MC2R: variants seen among roughly 807,000 people sequenced by gnomAD.
MC2R encodes the protein adrenocorticotropic hormone receptor.
In MC2R, 9 loss-of-function variants were observed where a neutral mutation model predicts 9.8. That is an observed-to-expected ratio of 0.92 (90% CI 0.55 to 1.60). The LOEUF (loss-of-function observed/expected upper bound fraction) is 1.60. Ranked by LOEUF, MC2R falls within the 40% of genes most tolerant of loss-of-function variation. The probability of loss-of-function intolerance (pLI) is 0.00; values close to 1 mark genes in which losing one functional copy is unlikely to be tolerated. For missense variants in MC2R, 370 were observed against 389.0 expected (o/e 0.95, Z 0.41); for synonymous variants, 185 against 154.7 (o/e 1.20, Z -1.45).
chr18:13,909,484 C>T (rs72874363), intron 1 of MC2R, among the ~76,000 whole-genome samples: 23,251 of 152,184 alleles, frequency 0.15, 2,381 homozygotes, highest in Middle Eastern at 0.29. Flanking sequence ...TTCTGCCCCA[C>T]CTCCTTGAGG....
In MC2R at chr18:13,884,672, G is replaced by C. The variant is rs1472845134; in HGVS notation, c.847C>G (p.Leu283Val). Reference protein sequence around the residue: ...PFIYAFRSPELRDAFKKMIFC... With the variant: ...PFIYAFRSPEVRDAFKKMIFC... ...ATCATCTTTTTGAATGCGTCCCTGA[G>C]CTCTGGGCTCCGGAAGGCATATATG... Residue 283 changes from leucine (L) to valine (V), a missense_variant, in exon 2 of 2, where the codon CTC (leucine) becomes GTC (valine). Leu to Val is a conservative substitution (Grantham distance 32). Coordinates refer to ENST00000327606, the MANE Select transcript of MC2R (RefSeq NM_000529.2). 5 of 1,614,010 alleles carry C rather than the reference G, an allele frequency of 3.1e-6. No individual in the cohort carries two copies. Among genetic ancestry groups the C allele is most frequent in the Non-Finnish European group, 4.2e-6 (5 of 1,180,034 alleles).
At position 13,896,004 on chromosome 18, in the gene MC2R, A is replaced by T. The variant is rs137980919; in HGVS notation, c.-128-10358T>A. On this transcript the variant is annotated intron_variant, in intron 1 of 1. Coordinates refer to ENST00000327606, the MANE Select transcript of MC2R (RefSeq NM_000529.2). Reference sequence around the variant, plus strand: ...TGGCTCTTTTTTTCTCACATATTAGATTGGTATTTGAATATTTAATTCGAA... The same window carrying T: ...TGGCTCTTTTTTTCTCACATATTAGTTTGGTATTTGAATATTTAATTCGAA... 2.6e-3 allele frequency among the ~76,000 whole-genome samples: 390 copies of T among 152,282 alleles called. 1 individual carries two copies. The highest frequency in any genetic ancestry group is 9.1e-3 in the African/African-American group (377 of 41,556).
At chr18:13,895,701 C>A (rs1685208404) in intron 1 of MC2R, among the ~76,000 whole-genome samples, 1 of 152,198 alleles carries the variant, frequency 6.6e-6, no homozygotes, top group East Asian at 1.9e-4. Context: ...GAGGTGACGT[C>A]AGACCTGGTT....
At chr18:13,898,628 G>A (rs1003559957) in intron 1 of MC2R, among the ~76,000 whole-genome samples, 2 of 152,198 alleles carry the variant, frequency 1.3e-5, no homozygotes, top group Admixed American at 6.5e-5. Flanking sequence ...GTAGTGACGA[G>A]GTGCTTGCGT....
intron 1 of MC2R, among the ~76,000 whole-genome samples, chr18:13,896,080 G>C (rs1490165671): frequency 1.3e-5 from 2 of 152,092 alleles, no homozygotes; most frequent in Non-Finnish European, 2.9e-5. Context: ...AACTCATATT[G>C]GTTACATAAG....
chr18:13,905,701 A>T (rs1186345194), intron 1 of MC2R, among the ~76,000 whole-genome samples: 1 of 152,196 alleles, frequency 6.6e-6, no homozygotes, highest in Admixed American at 6.5e-5. Context: ...TTCCTCAAGG[A>T]TCTAGAACTG....
At chr18:13,902,411 G>A (rs1214614559) in intron 1 of MC2R, among the ~76,000 whole-genome samples, 23 of 152,086 alleles carry the variant, frequency 1.5e-4, no homozygotes, top group African/African-American at 5.6e-4. Flanking sequence ...TAACAGAACT[G>A]CAGGAATCAC....
chr18:13,913,303 C>T (rs1445421154), intron 1 of MC2R, among the ~76,000 whole-genome samples: 1 of 152,202 alleles, frequency 6.6e-6, no homozygotes, highest in African/African-American at 2.4e-5. Flanking sequence ...TGGCAGGCTT[C>T]CTCCACGGTG....
rs139810872 is a variant in MC2R, at chr18:13,888,534, A to G, written c.-128-2888T>C. On this transcript the variant is annotated intron_variant, in intron 1 of 1. Coordinates refer to ENST00000327606, the MANE Select transcript of MC2R (RefSeq NM_000529.2). ...AGCCACAGTCTGGAGAGGATACAGCAGAGCCCGCCTTGTGACCACCATGTC... is the reference window on the plus strand; with the variant it reads ...AGCCACAGTCTGGAGAGGATACAGCGGAGCCCGCCTTGTGACCACCATGTC... Among the ~76,000 whole-genome samples the G allele has an allele frequency of 1.5e-3, 235 of 152,370 alleles. 4 individuals are homozygous for G. In the South Asian group the frequency reaches 0.02, roughly 13 times the overall value.
chr18:13,898,548 G>A (rs1183082506), intron 1 of MC2R, among the ~76,000 whole-genome samples: 2 of 152,222 alleles, frequency 1.3e-5, no homozygotes, highest in African/African-American at 4.8e-5. Context: ...GCCAGGGAGT[G>A]GTTACAGCAG....
At chr18:13,901,846 A>G (rs1472172819) in intron 1 of MC2R, among the ~76,000 whole-genome samples, 1 of 152,184 alleles carries the variant, frequency 6.6e-6, no homozygotes, top group Admixed American at 6.5e-5. Context: ...TGTTTTGAAA[A>G]ATAGAGGAGG....
chr18:13,909,256 G>A (rs11661929), intron 1 of MC2R, among the ~76,000 whole-genome samples: 21 of 152,234 alleles, frequency 1.4e-4, no homozygotes, highest in South Asian at 8.3e-4. Flanking sequence ...TGGACCTTGC[G>A]GGAGGAAGAC....
chr18:13,904,568 A>G (rs549112513), intron 1 of MC2R, among the ~76,000 whole-genome samples: 1 of 152,210 alleles, frequency 6.6e-6, no homozygotes, highest in East Asian at 1.9e-4. Flanking sequence ...ACAGGAGAAA[A>G]AAAAGGAAAA....
chr18:13,910,365 GAGTGAC>G (rs1378228366), intron 1 of MC2R, among the ~76,000 whole-genome samples: 1 of 152,172 alleles, frequency 6.6e-6, no homozygotes, highest in Non-Finnish European at 1.5e-5. Context: ...GTGAAGTAAG[GAGTGAC>G]AGTCCTCTGA....
In MC2R at chr18:13,884,975, A is replaced by G. The variant is rs1170440623; in HGVS notation, c.544T>C (p.Phe182Leu). Residue 182 changes from phenylalanine (F) to leucine (L), a missense_variant, in exon 2 of 2, where the codon TTC becomes CTC. Phe to Leu is a conservative substitution (Grantham distance 22). Transcript: ENST00000327606. ...AGGATGAAGACCAGCATCAGCGGGA[A>G]CAGCGACGTGAAGGTGATCACTGTG... ...VPTVITFTSL[F>L]PLMLVFILCL... The G allele has an allele frequency of 6.2e-7, 1 of 1,614,052 alleles. No individual in the cohort carries two copies. The highest frequency in any genetic ancestry group is 1.3e-5 in the African/African-American group (1 of 74,906).
chr18:13,910,587 A>G (rs1475546004), intron 1 of MC2R, among the ~76,000 whole-genome samples: 2 of 152,220 alleles, frequency 1.3e-5, no homozygotes, highest in African/African-American at 4.8e-5. Context: ...TATTTAAAAC[A>G]TATACTACAA....
At chr18:13,893,042 T>C (rs952506164) in intron 1 of MC2R, among the ~76,000 whole-genome samples, 3 of 152,238 alleles carry the variant, frequency 2.0e-5, no homozygotes, top group Admixed American at 1.3e-4. Flanking sequence ...TGCCTTTTCA[T>C]AACAGATCTC....
intron 1 of MC2R, among the ~76,000 whole-genome samples, chr18:13,907,294 G>A (rs2045419620): frequency 1.3e-5 from 2 of 152,094 alleles, no homozygotes; most frequent in Non-Finnish European, 2.9e-5. Context: ...TTCAGTAAAT[G>A]GTGCTGGGAA....
At chr18:13,899,480 A>G (rs1310035301) in intron 1 of MC2R, among the ~76,000 whole-genome samples, 1 of 152,198 alleles carries the variant, frequency 6.6e-6, no homozygotes, top group African/African-American at 2.4e-5. Context: ...AACTCCCCAA[A>G]CCTAGAGAAA....
Sources: allele counts gnomAD v4.1 joint callset (sites outside exome capture counted in the v4.1 genomes callset), GRCh38; gene constraint gnomAD v4.1.1; transcripts MANE v1.5; gene names NCBI Gene and HGNC (gene_info 2026-07-23, HGNC 2026-07-21).